Variants in NAXD observed in about 807,000 individuals in gnomAD.
NAXD encodes the protein ATP-dependent (S)-NAD(P)H-hydrate dehydratase.
A neutral mutation model predicts 35.8 loss-of-function variants in NAXD; 22 were observed. The observed-to-expected ratio is 0.62, with a 90% CI of 0.44 to 0.88. The LOEUF (loss-of-function observed/expected upper bound fraction) is 0.88, where lower values mean the gene tolerates loss of function less well. Among genes scored for constraint, NAXD ranks in the 40% least tolerant of loss-of-function variants. The probability of loss-of-function intolerance (pLI) is 0.00; values close to 1 mark genes in which losing one functional copy is unlikely to be tolerated. For synonymous variants in NAXD, 189 were observed against 177.6 expected (o/e 1.06, Z -0.51); for missense variants, 428 against 437.7 (o/e 0.98, Z 0.20).
intron 1 of NAXD, among the ~76,000 whole-genome samples, chr13:110,619,131 G>A (rs180982679): frequency 7.2e-4 from 110 of 152,312 alleles, no homozygotes; most frequent in Middle Eastern, 3.4e-3. Flanking sequence ...GATCCTTTCC[G>A]GTAATGTATA....
In NAXD at chr13:110,638,437, A is replaced by C; in HGVS notation, c.899A>C (p.His300Pro). The C allele has an allele frequency of 6.2e-7, 1 of 1,613,504 alleles. No homozygotes were observed. Among genetic ancestry groups the C allele is most frequent in the Non-Finnish European group, 8.5e-7 (1 of 1,180,012 alleles). Residue 300 changes from histidine to proline, a missense_variant, in exon 10 of 10, where the codon CAC (histidine) becomes CCC (proline). His to Pro is a moderately conservative substitution (Grantham distance 77). This residue lies in a region of NAXD where 209 missense variants were observed against 214.6 expected (regional missense o/e 0.97). Coordinates refer to ENST00000680254, the MANE Select transcript of NAXD (RefSeq NM_001242882.2). The surrounding 1 kb of genome is among the most constrained non-coding windows in gnomAD (Gnocchi z 5.4). ...GACSLTRQCN[H>P]QAFQKHGRST... ...TGCTCTCTCACCAGGCAGTGCAACC[A>C]CCAAGCCTTCCAGAAGCACGGTCGC...
At chr13:110,632,516 T>C (rs1886744239) in intron 5 of NAXD, among the ~76,000 whole-genome samples, 1 of 152,194 alleles carries the variant, frequency 6.6e-6, no homozygotes, top group African/African-American at 2.4e-5. Context: ...GTCAGGGCAC[T>C]GATTGGTGTG....
chr13:110,625,295 C>G lies in NAXD; in HGVS notation c.332+17C>G, dbSNP rs185812775. On this transcript the variant is annotated intron_variant, in intron 4 of 9. Coordinates refer to ENST00000680254, the MANE Select transcript of NAXD (RefSeq NM_001242882.2). ...CCCAGTTCTGTGAGTCGCTCTGCGC[C>G]GGCTTCTCGTAGGTTCTCTTTCCCT... 86 of 1,578,718 alleles carry G rather than the reference C, an allele frequency of 5.4e-5. No homozygotes were observed. The Admixed American group carries it at 1.4e-3, about 26-fold the overall frequency.
intron 4 of NAXD, among the ~76,000 whole-genome samples, chr13:110,625,921 G>A (rs554272992): frequency 6.6e-6 from 1 of 152,210 alleles, no homozygotes; most frequent in African/African-American, 2.4e-5. Context: ...GAACCGTAGA[G>A]AGCGGCAGCA....
At chr13:110,631,854 T>TC (rs1226398917) in intron 5 of NAXD, among the ~76,000 whole-genome samples, 1 of 152,214 alleles carries the variant, frequency 6.6e-6, no homozygotes, top group African/African-American at 2.4e-5. Flanking sequence ...CAGAGCCAAA[T>TC]ACACACTTTC....
intron 1 of NAXD, among the ~76,000 whole-genome samples, chr13:110,620,455 C>T (rs1385540218): frequency 1.3e-5 from 2 of 151,870 alleles, no homozygotes; most frequent in African/African-American, 4.8e-5. Context: ...TGGCATGCGC[C>T]TGTAGTCCCA....
intron 9 of NAXD, chr13:110,637,806 G>T (rs946202971): frequency 2.2e-6 from 1 of 464,770 alleles, no homozygotes; most frequent in Admixed American, 2.3e-5. Flanking sequence ...GGCTTCTGGA[G>T]GGTGGGCAGG....
chr13:110,629,236 C>T (rs961056923), intron 5 of NAXD, among the ~76,000 whole-genome samples: 1 of 152,192 alleles, frequency 6.6e-6, no homozygotes, highest in African/African-American at 2.4e-5. Context: ...AGATTGAGTC[C>T]TGGCAAGGAT....
chr13:110,636,837 G>A (rs187815274), intron 8 of NAXD, among the ~76,000 whole-genome samples: 216 of 152,350 alleles, frequency 1.4e-3, no homozygotes, highest in African/African-American at 5.0e-3. Context: ...GCTTGGGCTC[G>A]TCTGAGGCGG....
intron 7 of NAXD, among the ~76,000 whole-genome samples, 180 bp downstream of exon 7, chr13:110,634,956 G>T (rs1428191218): frequency 6.6e-6 from 1 of 152,204 alleles, no homozygotes; most frequent in Non-Finnish European, 1.5e-5. Flanking sequence ...ATGAACGATG[G>T]TGTAGTGGGC....
chr13:110,633,028 C>G (rs879726553), intron 5 of NAXD, among the ~76,000 whole-genome samples: 17 of 152,194 alleles, frequency 1.1e-4, no homozygotes, highest in African/African-American at 4.1e-4. Flanking sequence ...GCCGTGCGTT[C>G]GCATTCCTCA....
At chr13:110,627,279 C>T (rs1053347199) in intron 4 of NAXD, among the ~76,000 whole-genome samples, 160 bp from the exon 5 acceptor site, 24 of 152,132 alleles carry the variant, frequency 1.6e-4, no homozygotes, top group Admixed American at 9.8e-4. Flanking sequence ...TACATGGGAG[C>T]CTTCTGTACT....
At chr13:110,626,452 G>A (rs918886869) in intron 4 of NAXD, among the ~76,000 whole-genome samples, 1 of 152,028 alleles carries the variant, frequency 6.6e-6, no homozygotes. Flanking sequence ...AGACATCCAA[G>A]GGACGTGGCT....
chr13:110,635,433 C>T, intron 7 of NAXD, 35 bp from the exon 8 acceptor site: 1 of 1,607,122 alleles, frequency 6.2e-7, no homozygotes, highest in Non-Finnish European at 8.5e-7. Context: ...CTGAGGAAGA[C>T]TTTGCTTTTT....
Position 110,615,598 on chromosome 13 carries a change from C to T in NAXD, c.-4C>T. 1 of 1,393,130 alleles carries T rather than the reference C, an allele frequency of 7.2e-7. No individual in the cohort carries two copies. Among genetic ancestry groups the T allele is most frequent in the Non-Finnish European group, 9.3e-7 (1 of 1,074,272 alleles). The allele number at this position is 1,393,130 out of a possible 1,614,324, so 86.3% of individuals were successfully genotyped here. A position where few individuals can be genotyped will look rare whatever the true frequency, so the allele number is the denominator to read the frequency against. On this transcript the variant is annotated 5_prime_UTR_variant, in exon 1 of 10. Coordinates refer to ENST00000680254, the MANE Select transcript of NAXD (RefSeq NM_001242882.2). ...GGGCAGCTGGGAATCCGGAATGCTG[C>T]CCGATGGCCCTGGGTCCTCGCTGTG...
At chr13:110,631,761 G>T (rs942401503) in intron 5 of NAXD, among the ~76,000 whole-genome samples, 2 of 152,118 alleles carry the variant, frequency 1.3e-5, no homozygotes, top group South Asian at 4.1e-4. Context: ...TTAATAAAGG[G>T]AATAATAAAC....
intron 5 of NAXD, among the ~76,000 whole-genome samples, chr13:110,631,916 C>T (rs534635498): frequency 2.0e-5 from 3 of 152,274 alleles, no homozygotes; most frequent in South Asian, 4.2e-4. Flanking sequence ...CTTTGTTAGG[C>T]GAGCAGCTAA....
In NAXD at chr13:110,628,284, G is replaced by A. The variant is rs542677289; in HGVS notation, c.441+737G>A. 6.6e-6 allele frequency among the ~76,000 whole-genome samples: 1 copy of A among 152,254 alleles called. No homozygotes were observed. Among genetic ancestry groups the A allele is most frequent in the East Asian group, 1.9e-4 (1 of 5,162 alleles). On this transcript the variant is annotated intron_variant, in intron 5 of 9. Coordinates refer to ENST00000680254, the MANE Select transcript of NAXD (RefSeq NM_001242882.2). This position sits in a 1 kb window ranked among gnomAD's most constrained non-coding sequence, Gnocchi z 4.1. Reference sequence around the variant, plus strand: ...CTCTGAGACCCTTTCTCAAGTTCCGGGGGACCCCTGTTAGAGCTCCTGGGG... The same window carrying A: ...CTCTGAGACCCTTTCTCAAGTTCCGAGGGACCCCTGTTAGAGCTCCTGGGG...
rs1165073645 is a variant in NAXD at position 110,639,119 on chromosome 13, T to C, written c.*591T>C. The C allele has an allele frequency of 3.6e-5, 7 of 195,426 alleles. No individual in the cohort carries two copies. Among genetic ancestry groups the C allele is most frequent in the Non-Finnish European group, 7.5e-5 (7 of 93,358 alleles). The allele number at this position is 195,426 out of a possible 1,614,324, so 12.1% of individuals were successfully genotyped here. On this transcript the variant is annotated 3_prime_UTR_variant, in exon 10 of 10. Transcript: ENST00000680254. ...TGACATACTCCAGGGTAATCAATGA[T>C]GACTTTGTTTGGAAACCCTTTTGGA...
Sources: allele counts gnomAD v4.1 joint callset (sites outside exome capture counted in the v4.1 genomes callset), GRCh38; gene constraint gnomAD v4.1.1; regional missense constraint gnomAD v4.1.1; non-coding constraint Gnocchi (gnomAD v3.1); transcripts MANE v1.5; gene names NCBI Gene and HGNC (gene_info 2026-07-23, HGNC 2026-07-21).